Variants in ALX4 observed in about 807,000 individuals in gnomAD.
ALX4 encodes the protein ALX homeobox 4.
A neutral mutation model predicts 40.6 loss-of-function variants in ALX4; 22 were observed. The ratio of observed to expected loss-of-function variants is 0.54; its 90% CI spans 0.39 to 0.77. ALX4 has a LOEUF of 0.77. ALX4 is among the 30% of genes least tolerant of loss of function. The pLI, the probability that ALX4 is intolerant of heterozygous loss-of-function variation, is 0.00. For missense variants in ALX4, 556 were observed against 564.8 expected (o/e 0.98, Z 0.16); for synonymous variants, 266 against 240.5 (o/e 1.11, Z -0.98).
intron 1 of ALX4, among the ~76,000 whole-genome samples, chr11:44,303,324 A>T (rs908245490): frequency 6.6e-6 from 1 of 152,208 alleles, no homozygotes; most frequent in Non-Finnish European, 1.5e-5. Flanking sequence ...CCCAATGTGC[A>T]GCGGCGCCAG....
chr11:44,305,664 T>C (rs746373723), intron 1 of ALX4, among the ~76,000 whole-genome samples: 35 of 152,224 alleles, frequency 2.3e-4, no homozygotes, highest in Non-Finnish European at 4.1e-4. Flanking sequence ...ATAAATACCC[T>C]CTGGTATTTA....
chr11:44,278,837 G>A (rs1956292965), intron 1 of ALX4, among the ~76,000 whole-genome samples: 1 of 152,168 alleles, frequency 6.6e-6, no homozygotes, highest in Non-Finnish European at 1.5e-5. Context: ...GGGAGGGGAG[G>A]AGAGGGGGAG....
chr11:44,291,289 A>G (rs4998868), intron 1 of ALX4, among the ~76,000 whole-genome samples: 102,802 of 152,062 alleles, frequency 0.68, 35,022 homozygotes, highest in South Asian at 0.89. Context: ...CTGTGCCCTC[A>G]CCAAGGGCAG....
chr11:44,275,416 G>T lies in ALX4; in HGVS notation c.709C>A (p.His237Asn). 6.2e-7 allele frequency: 1 copy of T among 1,614,208 alleles called. No individual in the cohort carries two copies. The highest frequency in any genetic ancestry group is 8.5e-7 in the Non-Finnish European group (1 of 1,180,028). ...TCCCGCGCATACACGTCTGGGTAGT[G>T]GGTCTTCTGGAAGACCTTCTCCAGC... Reference protein sequence around the residue: ...EELEKVFQKTHYPDVYAREQL... With the variant: ...EELEKVFQKTNYPDVYAREQL... Residue 237 changes from histidine (H) to asparagine (N), a missense_variant, in exon 2 of 4, where the codon CAC becomes AAC. Coordinates refer to ENST00000652299, the MANE Select transcript of ALX4 (RefSeq NM_021926.4).
At chr11:44,309,528 A>T in intron 1 of ALX4, 69 bp downstream of exon 1, 1 of 1,526,308 alleles carries the variant, frequency 6.6e-7, no homozygotes, top group Non-Finnish European at 8.8e-7. Flanking sequence ...GCAAGCCACC[A>T]GTTTCAAGGG....
chr11:44,274,691 A>C (rs1050805575), intron 2 of ALX4, among the ~76,000 whole-genome samples: 1 of 151,366 alleles, frequency 6.6e-6, no homozygotes, highest in Admixed American at 6.6e-5. Context: ...TGTTGTGTTG[A>C]GTTGAGTTCT....
Position 44,309,973 on chromosome 11 carries a change from G to A in ALX4, c.90C>T (p.Gly30=). Residue 30 remains glycine (G), a synonymous_variant, in exon 1 of 4, where the codon GGC becomes GGT. Transcript: ENST00000652299. ...YYSPVSQSRE[G]SSPFRAFPGG... is the part of the protein sequence containing the mutation. ...CGGGAAATGCCCTAAAAGGCGACGA[G>A]CCCTCCCGACTCTGCGACACCGGGC... 1 of 1,597,736 alleles carries A rather than the reference G, an allele frequency of 6.3e-7. No homozygotes were observed. Among genetic ancestry groups the A allele is most frequent in the Non-Finnish European group, 8.5e-7 (1 of 1,172,284 alleles).
chr11:44,298,143 ACTC>A, intron 1 of ALX4, among the ~76,000 whole-genome samples: 1 of 152,000 alleles, frequency 6.6e-6, no homozygotes, highest in South Asian at 2.1e-4. Flanking sequence ...CCAGGCGCAC[ACTC>A]CTCCATGCAT....
At chr11:44,290,640 C>T (rs888540642) in intron 1 of ALX4, among the ~76,000 whole-genome samples, 3 of 152,166 alleles carry the variant, frequency 2.0e-5, no homozygotes, top group Non-Finnish European at 4.4e-5. Context: ...TAACGCTTCA[C>T]ATAAGACTAG....
rs1486839449 is a variant in ALX4, at chr11:44,262,093, C to T, written c.*2761G>A. ...GGAGCTCCATGCAGCACCGGCCGCCCCTGGTGCCAACGAAGCCCAGGCCCT... is the reference window on the plus strand; with the variant it reads ...GGAGCTCCATGCAGCACCGGCCGCCTCTGGTGCCAACGAAGCCCAGGCCCT... On this transcript the variant is annotated 3_prime_UTR_variant, in exon 4 of 4. Coordinates refer to ENST00000652299, the MANE Select transcript of ALX4 (RefSeq NM_021926.4). 2.6e-5 allele frequency: 4 copies of T among 152,554 alleles called. No individual in the cohort carries two copies. Among genetic ancestry groups the T allele is most frequent in the African/African-American group, 9.6e-5 (4 of 41,588 alleles). The allele number at this position is 152,554 out of a possible 1,614,324, so 9.5% of individuals were successfully genotyped here. A position where few individuals can be genotyped will look rare whatever the true frequency, so the allele number is the denominator to read the frequency against.
rs1462171736 is a variant in ALX4 at position 44,262,669 on chromosome 11, G to A, written c.*2185C>T. On this transcript the variant is annotated 3_prime_UTR_variant, in exon 4 of 4. Transcript: ENST00000652299. The stretch of plus-strand genomic sequence containing the variant: ...TTGCTCTCCCTCCTGGCCCACTCTG[G>A]AGCTACCTGGCTCTCCTCCTCTTTG... 3 of 152,376 alleles carry A rather than the reference G, an allele frequency of 2.0e-5. No homozygotes were observed. Among genetic ancestry groups the A allele is most frequent in the Non-Finnish European group, 4.4e-5 (3 of 68,248 alleles). 9.4% of individuals were successfully genotyped at this position (152,376 alleles called of 1,614,324 possible). A position where few individuals can be genotyped will look rare whatever the true frequency, so the allele number is the denominator to read the frequency against.
chr11:44,290,120 C>T (rs989028791), intron 1 of ALX4, among the ~76,000 whole-genome samples: 7 of 152,234 alleles, frequency 4.6e-5, no homozygotes, highest in African/African-American at 1.7e-4. Context: ...CTCAAGCCCC[C>T]TAAACCATGT....
At chr11:44,295,012 G>T (rs991412715) in intron 1 of ALX4, among the ~76,000 whole-genome samples, 3 of 152,002 alleles carry the variant, frequency 2.0e-5, no homozygotes, top group Non-Finnish European at 4.4e-5. Context: ...ACCACGCCCA[G>T]CTAATTTTTT....
At chr11:44,267,730 G>T (rs1015354730) in intron 2 of ALX4, 108 bp from the exon 3 acceptor site, 5 of 1,495,820 alleles carry the variant, frequency 3.3e-6, no homozygotes, top group African/African-American at 1.4e-5. Context: ...GTTGCAGTGC[G>T]TTTGGGAAAC....
At chr11:44,270,942 T>C (rs796591513) in intron 2 of ALX4, among the ~76,000 whole-genome samples, 4 of 152,174 alleles carry the variant, frequency 2.6e-5, no homozygotes, top group East Asian at 1.9e-4. Context: ...GCTGCAGAGA[T>C]TGGAATCCCA....
intron 1 of ALX4, among the ~76,000 whole-genome samples, chr11:44,305,896 C>A (rs566568059): frequency 8.9e-4 from 135 of 152,386 alleles, no homozygotes; most frequent in Non-Finnish European, 2.8e-4. Flanking sequence ...GGCCCCGCGT[C>A]TCGGGACAGG....
At chr11:44,267,150 T>C (rs117600426) in intron 3 of ALX4, among the ~76,000 whole-genome samples, 18 of 152,296 alleles carry the variant, frequency 1.2e-4, no homozygotes, top group Non-Finnish European at 1.8e-4. Context: ...GCTCGCTTTC[T>C]GAAGAGACCC....
chr11:44,300,085 G>A (rs1262619990), intron 1 of ALX4, among the ~76,000 whole-genome samples: 1 of 152,168 alleles, frequency 6.6e-6, no homozygotes, highest in African/African-American at 2.4e-5. Context: ...CTCAGGCCAG[G>A]AGCCAGGCCT....
chr11:44,282,604 G>T (rs374837304), intron 1 of ALX4, among the ~76,000 whole-genome samples: 3 of 152,198 alleles, frequency 2.0e-5, no homozygotes, highest in East Asian at 3.8e-4. Flanking sequence ...GAATGGAGAC[G>T]CAAGCTGTGG....
Sources: gnomAD v4.1 joint callset for allele counts (sites outside exome capture counted in the v4.1 genomes callset) on GRCh38, gnomAD v4.1.1 for gene constraint, MANE v1.5 for transcripts, NCBI Gene and HGNC (gene_info 2026-07-23, HGNC 2026-07-21) for gene names.